The following EPB41L2 variants were observed in gnomAD, a reference collection of about 807,000 sequenced individuals.
EPB41L2 encodes the protein band 4.1-like protein 2.
EPB41L2 carries 43 observed loss-of-function variants against 113.0 expected under a neutral mutation model. The ratio of observed to expected loss-of-function variants is 0.38; its 90% CI spans 0.30 to 0.49. The LOEUF is 0.49. Ranked by LOEUF, EPB41L2 falls within the 20% of genes least tolerant of loss-of-function variation. The probability of loss-of-function intolerance (pLI) is 0.95; values close to 1 mark genes in which losing one functional copy is unlikely to be tolerated. For missense variants in EPB41L2, 1,147 were observed against 1,223.4 expected, an observed-to-expected ratio of 0.94 and a Z score of 0.93; for synonymous variants, 442 against 436.7, an observed-to-expected ratio of 1.01 and a Z score of -0.15.
intron 1 of EPB41L2, among the ~76,000 whole-genome samples, chr6:130,969,279 A>G (rs1404769580): frequency 3.9e-5 from 6 of 152,208 alleles, no homozygotes; most frequent in Non-Finnish European, 8.8e-5. Context: ...AAAATACCAT[A>G]AATACTTCAG....
chr6:130,863,954 T>C (rs1315118205), intron 17 of EPB41L2, among the ~76,000 whole-genome samples: 1 of 152,198 alleles, frequency 6.6e-6, no homozygotes, highest in Non-Finnish European at 1.5e-5. Context: ...AGAGCAACCT[T>C]AAAACTCATT....
rs1326925619 is a variant in EPB41L2, at chr6:130,890,347, G to A, written c.1607C>T (p.Ala536Val). The stretch of plus-strand genomic sequence containing the variant: ...ACTAGAAGTGCGCTCAAAGTGTGGT[G>A]CTGGCCTATCTATGAGGGTGCTGGC... Reference protein sequence around the residue: ...RQASTLIDRPAPHFERTSSKR... With the variant: ...RQASTLIDRPVPHFERTSSKR... The change falls in exon 11 of 20, where the codon GCA becomes GTA. Residue 536 changes from alanine (A) to valine (V), a missense_variant. Transcript: ENST00000337057. The A allele has an allele frequency of 7.4e-6, 12 of 1,613,762 alleles. No homozygotes were observed. Among genetic ancestry groups the A allele is most frequent in the Non-Finnish European group, 8.5e-6 (10 of 1,179,910 alleles).
intron 1 of EPB41L2, among the ~76,000 whole-genome samples, chr6:130,956,753 T>C (rs1817575493): frequency 6.6e-6 from 1 of 152,198 alleles, no homozygotes; most frequent in Non-Finnish European, 1.5e-5. Flanking sequence ...TCCATATAGC[T>C]AGAACTTAAA....
chr6:131,023,993 A>G (rs6906478), intron 1 of EPB41L2, among the ~76,000 whole-genome samples: 51,310 of 150,994 alleles, frequency 0.34, 8,857 homozygotes, highest in Non-Finnish European at 0.38. Context: ...TGAACACTGG[A>G]AAAAAAAGGA....
intron 1 of EPB41L2, among the ~76,000 whole-genome samples, chr6:131,008,520 T>C (rs1786139437): frequency 6.6e-6 from 1 of 152,242 alleles, no homozygotes; most frequent in Non-Finnish European, 1.5e-5. Flanking sequence ...GGGCACTGCA[T>C]GGTGAAGCTG....
At chr6:130,934,100 G>T (rs1438181520) in intron 3 of EPB41L2, among the ~76,000 whole-genome samples, 1 of 152,188 alleles carries the variant, frequency 6.6e-6, no homozygotes, top group Non-Finnish European at 1.5e-5. Flanking sequence ...ACATTGTTGG[G>T]GGAGGAGGAT....
chr6:130,949,821 A>G lies in EPB41L2; in HGVS notation c.705+5284T>C, dbSNP rs1439072060. Among the ~76,000 whole-genome samples, 3 of 152,150 alleles carry G rather than the reference A, an allele frequency of 2.0e-5. No homozygotes were observed. The East Asian group carries it at 5.8e-4, about 29-fold the overall frequency. ...CTCCTCCTCTTCCTCAGGCAATATG[A>G]AGACAATTAGAATGGAGACCTTAAT... On this transcript the variant is annotated intron_variant, in intron 3 of 19. Coordinates refer to ENST00000337057, the MANE Select transcript of EPB41L2 (RefSeq NM_001431.4).
chr6:130,893,035 A>G (rs563248965), intron 10 of EPB41L2, among the ~76,000 whole-genome samples: 3 of 152,238 alleles, frequency 2.0e-5, no homozygotes, highest in African/African-American at 7.2e-5. Flanking sequence ...AACGGAGAAA[A>G]CAAAGATAAG....
chr6:130,895,948 A>G (rs1303744983), intron 8 of EPB41L2, among the ~76,000 whole-genome samples: 2 of 152,194 alleles, frequency 1.3e-5, no homozygotes, highest in African/African-American at 2.4e-5. Flanking sequence ...AAACATACAA[A>G]TTATTGTTTA....
chr6:130,895,203 G>T, intron 8 of EPB41L2, 84 bp from the exon 9 acceptor site: 1 of 1,430,280 alleles, frequency 7.0e-7, no homozygotes, highest in South Asian at 1.5e-5. Context: ...CTCAAATCAT[G>T]ATCAGGAATG....
intron 1 of EPB41L2, among the ~76,000 whole-genome samples, chr6:131,032,179 C>T (rs1792296149): frequency 6.6e-6 from 1 of 151,894 alleles, no homozygotes; most frequent in African/African-American, 2.4e-5. Context: ...CAGAGACAGC[C>T]CTAGCCAGCA....
chr6:130,875,057 G>T (rs1246915707), intron 14 of EPB41L2, among the ~76,000 whole-genome samples: 1 of 152,108 alleles, frequency 6.6e-6, no homozygotes, highest in Non-Finnish European at 1.5e-5. Flanking sequence ...ATGTCACTTG[G>T]TTTAGCTTCA....
At chr6:130,949,711 A>G (rs775559181) in intron 3 of EPB41L2, among the ~76,000 whole-genome samples, 1 of 152,126 alleles carries the variant, frequency 6.6e-6, no homozygotes, top group Non-Finnish European at 1.5e-5. Flanking sequence ...ACTCTTGAAC[A>G]ACACAGGTCT....
intron 1 of EPB41L2, among the ~76,000 whole-genome samples, chr6:131,019,428 A>C (rs1788958268): frequency 6.6e-6 from 1 of 152,182 alleles, no homozygotes; most frequent in Non-Finnish European, 1.5e-5. Flanking sequence ...GTCATATTGT[A>C]CTGCCAAATT....
At chr6:130,976,374 T>C (rs117644667) in intron 1 of EPB41L2, among the ~76,000 whole-genome samples, 2,428 of 152,340 alleles carry the variant, frequency 0.016, 34 homozygotes, top group Non-Finnish European at 0.025. Flanking sequence ...TGTATACAAC[T>C]GCACATGCGT....
intron 1 of EPB41L2, among the ~76,000 whole-genome samples, chr6:130,973,756 C>T (rs1428773801): frequency 2.0e-5 from 3 of 152,172 alleles, no homozygotes; most frequent in Non-Finnish European, 4.4e-5. Context: ...TCCCCACTGC[C>T]TTTCTAGATC....
At chr6:131,003,752 A>C (rs1395140890) in intron 1 of EPB41L2, among the ~76,000 whole-genome samples, 4 of 152,212 alleles carry the variant, frequency 2.6e-5, no homozygotes, top group Non-Finnish European at 5.9e-5. Flanking sequence ...TTCACAACAA[A>C]ATCTCCCAGT....
chr6:131,002,994 A>G (rs887930417), intron 1 of EPB41L2, among the ~76,000 whole-genome samples: 3 of 152,256 alleles, frequency 2.0e-5, no homozygotes, highest in African/African-American at 7.2e-5. Context: ...GGTGGAACCA[A>G]TTCTAATTCC....
intron 1 of EPB41L2, chr6:131,013,432 A>G (rs1460880805): frequency 6.6e-6 from 1 of 152,152 alleles, no homozygotes; most frequent in African/African-American, 2.4e-5. Context: ...CACTCCAAAT[A>G]TATTTCCCCA....
Sources: gnomAD v4.1 joint callset for allele counts (sites outside exome capture counted in the v4.1 genomes callset) on GRCh38, gnomAD v4.1.1 for gene constraint, MANE v1.5 for transcripts, NCBI Gene and HGNC (gene_info 2026-07-23, HGNC 2026-07-21) for gene names.